Variants in PLA2G4B observed in about 807,000 individuals in gnomAD.
PLA2G4B encodes the protein cytosolic phospholipase A2 beta.
PLA2G4B carries 122 observed loss-of-function variants against 95.8 expected under a neutral mutation model. That is an observed-to-expected ratio of 1.27 (90% CI 1.10 to 1.48). PLA2G4B has a LOEUF of 1.48. PLA2G4B is among the 40% of genes most tolerant of loss of function. PLA2G4B has a pLI of 0.00. For missense variants in PLA2G4B, 1,158 were observed against 996.2 expected (o/e 1.16, Z -2.19); for synonymous variants, 518 against 421.5 (o/e 1.23, Z -2.80).
At chr15:41,844,446 C>T (rs769705971) in intron 11 of PLA2G4B, 25 bp from the exon 12 acceptor site, 3 of 1,613,920 alleles carry the variant, frequency 1.9e-6, no homozygotes, top group African/African-American at 2.7e-5. Flanking sequence ...AGGGCCTCTA[C>T]AGGCCTGGCT....
Position 41,847,809 on chromosome 15 carries a change from G to A in PLA2G4B, c.2295G>A (p.Leu765=). 6.2e-7 allele frequency: 1 copy of A among 1,608,578 alleles called. No individual in the cohort carries two copies. Among genetic ancestry groups the A allele is most frequent in the Non-Finnish European group, 8.5e-7 (1 of 1,180,000 alleles). ...YNVCNNQEQL[L]EALRQAVQRR... Reference sequence around the variant, plus strand: ...TCTGCAACAACCAGGAGCAGCTGCTGGAGGCTCTGCGCCAGGCAGTGCAGC... The same window carrying A: ...TCTGCAACAACCAGGAGCAGCTGCTAGAGGCTCTGCGCCAGGCAGTGCAGC... The change falls in exon 20 of 20, where the codon CTG becomes CTA. Residue 765 remains leucine (L), a synonymous_variant. Coordinates refer to ENST00000458483, the MANE Select transcript of PLA2G4B (RefSeq NM_001114633.2).
At position 41,838,909 on chromosome 15, in the gene PLA2G4B, G is replaced by C; in HGVS notation, c.-5G>C. 2.5e-6 allele frequency: 4 copies of C among 1,596,682 alleles called. No individual in the cohort carries two copies. Among genetic ancestry groups the C allele is most frequent in the Non-Finnish European group, 3.4e-6 (4 of 1,170,832 alleles). Reference sequence around the variant, plus strand: ...CATCATTCCTGCTCCTGAGGACTCAGTCTCATGGCTGTGGTAAGGCCTGGC... The same window carrying C: ...CATCATTCCTGCTCCTGAGGACTCACTCTCATGGCTGTGGTAAGGCCTGGC... On this transcript the variant is annotated 5_prime_UTR_variant, in exon 1 of 20. Coordinates refer to ENST00000458483, the MANE Select transcript of PLA2G4B (RefSeq NM_001114633.2).
chr15:41,841,344 C>T, intron 6 of PLA2G4B, 71 bp downstream of exon 6: 2 of 1,611,050 alleles, frequency 1.2e-6, no homozygotes, highest in Non-Finnish European at 1.7e-6. Context: ...ACTTGAGGTA[C>T]AGGCCCACCG....
At chr15:41,845,105 C>T (rs1182715641) in intron 13 of PLA2G4B, 35 bp downstream of exon 13, 1 of 1,599,000 alleles carries the variant, frequency 6.3e-7, no homozygotes, top group African/African-American at 1.3e-5. Flanking sequence ...AGAGCCAGGG[C>T]AAGGGCTGGA....
In PLA2G4B at chr15:41,846,687, T is replaced by TC; in HGVS notation, c.1803dup (p.Asn602GlnfsTer198). ...CTTCCAGCTACCACTCTGGATGGGC[T>TC]CCCCAACCAGCTGACACCCTCGGAG... On this transcript the variant is annotated frameshift_variant, in exon 18 of 20. Transcript: ENST00000458483. LOFTEE classifies it high-confidence loss of function. 6.2e-7 allele frequency: 1 copy of TC among 1,611,412 alleles called. No homozygotes were observed.
At chr15:41,843,637 G>A (rs1019305255) in intron 10 of PLA2G4B, 39 bp from the exon 11 acceptor site, 9 of 1,603,484 alleles carry the variant, frequency 5.6e-6, no homozygotes, top group Non-Finnish European at 6.0e-6. Flanking sequence ...TCTGGGGAGG[G>A]TTGAGAGCTG....
rs1219351352 is a variant in PLA2G4B at position 41,845,038 on chromosome 15, G to GC, written c.1210dup (p.Leu404ProfsTer9). ...CCCAAGCTGCTTCACCAACCTGTGG[G>GC]CCCTCATCAACGAGGCGCTGCTGCA... is the stretch of plus-strand genomic sequence containing the variant. On this transcript the variant is annotated frameshift_variant, in exon 13 of 20. Transcript: ENST00000458483. LOFTEE classifies it high-confidence loss of function. 27 of 1,600,028 alleles carry GC rather than the reference G, an allele frequency of 1.7e-5. No homozygotes were observed. The highest frequency in any genetic ancestry group is 2.2e-5 in the Non-Finnish European group (26 of 1,173,126).
Position 41,843,687 on chromosome 15 carries a change from T to C in PLA2G4B, c.755T>C (p.Leu252Pro). Residue 252 changes from leucine to proline, a missense_variant, in exon 11 of 20, where the codon CTG becomes CCG. Leu to Pro is a moderately conservative substitution (Grantham distance 98, BLOSUM62 -3). Transcript: ENST00000458483. ...CCTTCCCCGGCCAGACTGAGGGAGC[T>C]GGCCGTGCGACTGGGCTTCGGGCCC... ...ELKKEAGLRE[L>P]AVRLGFGPCA... 6.2e-7 allele frequency: 1 copy of C among 1,613,580 alleles called. No homozygotes were observed. Among genetic ancestry groups the C allele is most frequent in the Non-Finnish European group, 8.5e-7 (1 of 1,179,736 alleles).
In PLA2G4B at chr15:41,844,614, T is replaced by TG; in HGVS notation, c.1016+12dup. ...GGGCCTCGGGCTCCACCTGGTGAGC[T>TG]GGGGGCAGGCTGATGCTGGACCCTG... On this transcript the variant is annotated splice_region_variant and intron_variant, in intron 12 of 19. Transcript: ENST00000458483. 1 of 1,614,034 alleles carries TG rather than the reference T, an allele frequency of 6.2e-7. No individual in the cohort carries two copies. Among genetic ancestry groups the TG allele is most frequent in the Non-Finnish European group, 8.5e-7 (1 of 1,180,002 alleles).
intron 11 of PLA2G4B, 33 bp downstream of exon 11, chr15:41,843,844 G>C: frequency 7.5e-6 from 12 of 1,608,264 alleles, no homozygotes; most frequent in Non-Finnish European, 1.0e-5. Flanking sequence ...GGTGTCCCCG[G>C]GCTTGCTTGG....
chr15:41,846,438 C>G, intron 17 of PLA2G4B, 56 bp downstream of exon 17: 1 of 1,565,554 alleles, frequency 6.4e-7, no homozygotes, highest in Non-Finnish European at 8.7e-7. Context: ...AGTCCCCAGT[C>G]CAGATACCCC....
intron 1 of PLA2G4B, 30 bp downstream of exon 1, chr15:41,838,952 C>T: frequency 6.5e-7 from 1 of 1,548,846 alleles, no homozygotes; most frequent in Non-Finnish European, 8.8e-7. Flanking sequence ...TGGGTCCCTA[C>T]TGGGACCCCT....
rs1382014011 is a variant in PLA2G4B, at chr15:41,841,545, A to T, written c.464A>T (p.Gln155Leu). 3 of 1,613,920 alleles carry T rather than the reference A, an allele frequency of 1.9e-6. No homozygotes were observed. The African/African-American group carries it at 4.0e-5, about 22-fold the overall frequency. ...CGGGAGCTCTCCTGCTTGCACGTTCAACTGGAGGAGACAGGAGACCAGAAG... is the reference window on the plus strand; with the variant it reads ...CGGGAGCTCTCCTGCTTGCACGTTCTACTGGAGGAGACAGGAGACCAGAAG... ...VARELSCLHV[Q>L]LEETGDQKSS... Residue 155 changes from glutamine (Q) to leucine (L), a missense_variant, in exon 7 of 20, where the codon CAA becomes CTA. Gln to Leu is a moderately radical substitution (Grantham distance 113). Transcript: ENST00000458483.
At chr15:41,845,464 T>A (rs1446390572) in intron 14 of PLA2G4B, 144 bp downstream of exon 14, 1 of 1,446,564 alleles carries the variant, frequency 6.9e-7, no homozygotes, top group Non-Finnish European at 9.2e-7. Flanking sequence ...CCTACCAGGG[T>A]CCCTCAGCCC....
intron 5 of PLA2G4B, 36 bp downstream of exon 5, chr15:41,841,131 G>T: frequency 6.2e-7 from 1 of 1,610,428 alleles, no homozygotes; most frequent in Non-Finnish European, 8.5e-7. Context: ...GGGTGGGAGT[G>T]CCTTGTGGGA....
chr15:41,846,316 A>G lies in PLA2G4B; in HGVS notation c.1714A>G (p.Asn572Asp), dbSNP rs771806911. ...TWRPLAQATHNFLRGLHFHKD... is the reference protein window; with the variant it reads ...TWRPLAQATHDFLRGLHFHKD... ...GCGTCCACTGGCCCAGGCCACACAT[A>G]ATTTCCTGCGTGGCCTCCATTTCCA... The change falls in exon 17 of 20, where the codon AAT becomes GAT. Residue 572 changes from asparagine to aspartate, a missense_variant. Transcript: ENST00000458483. 2 of 1,612,728 alleles carry G rather than the reference A, an allele frequency of 1.2e-6. No homozygotes were observed. The highest frequency in any genetic ancestry group is 1.7e-6 in the Non-Finnish European group (2 of 1,178,898).
intron 14 of PLA2G4B, 62 bp from the exon 15 acceptor site, chr15:41,845,576 G>T: frequency 6.2e-7 from 1 of 1,603,884 alleles, no homozygotes; most frequent in Non-Finnish European, 8.5e-7. Flanking sequence ...CCCTGGGTCG[G>T]GGTGGGGGTG....
chr15:41,840,888 T>C lies in PLA2G4B; in HGVS notation c.334T>C (p.Phe112Leu). 4 of 1,613,482 alleles carry C rather than the reference T, an allele frequency of 2.5e-6. No individual in the cohort carries two copies. Among genetic ancestry groups the C allele is most frequent in the Non-Finnish European group, 3.4e-6 (4 of 1,179,534 alleles). The change falls in exon 4 of 20, where the codon TTC becomes CTC. Residue 112 changes from phenylalanine to leucine, a missense_variant. Physicochemically the swap from Phe to Leu is conservative, Grantham distance 22. Transcript: ENST00000458483. ...GGCTGGGGAGTTCCGGCGCGAGAGC[T>C]TCTCACTGAGCCCTCAGGCAAGGCG... Reference protein sequence around the residue: ...LRAGEFRRESFSLSPQGEGRL... With the variant: ...LRAGEFRRESLSLSPQGEGRL...
At chr15:41,840,953 T>A (rs769401938) in intron 4 of PLA2G4B, 48 bp downstream of exon 4, 1 of 1,598,750 alleles carries the variant, frequency 6.3e-7, no homozygotes, top group East Asian at 2.2e-5. Flanking sequence ...TGGGTTGAAA[T>A]CTCCACGCGC....
Sources: allele counts gnomAD v4.1 joint callset, GRCh38; gene constraint gnomAD v4.1.1; transcripts MANE v1.5; gene names NCBI Gene and HGNC (gene_info 2026-07-23, HGNC 2026-07-21).